OTOF: variants seen among roughly 807,000 people sequenced by gnomAD.
OTOF encodes the protein fer-1-like family member 2.
OTOF carries 218 observed loss-of-function variants against 236.8 expected under a neutral mutation model. That is an observed-to-expected ratio of 0.92 (90% CI 0.82 to 1.03). The LOEUF (loss-of-function observed/expected upper bound fraction) is 1.03, where lower values mean the gene tolerates loss of function less well. Among genes scored for constraint, OTOF ranks in the 50% least tolerant of loss-of-function variants. The pLI, the probability that OTOF is intolerant of heterozygous loss-of-function variation, is 0.00. For synonymous variants in OTOF, 1,041 were observed against 1,072.5 expected, an observed-to-expected ratio of 0.97 and a Z score of 0.57; for missense variants, 2,590 against 2,694.4, an observed-to-expected ratio of 0.96 and a Z score of 0.86.
At position 26,461,142 on chromosome 2, in the gene OTOF, C is replaced by T; in HGVS notation, c.5534-112G>A. On this transcript the variant is annotated intron_variant, in intron 43 of 46. Transcript: ENST00000272371. This position sits in a 1 kb window ranked among gnomAD's most constrained non-coding sequence, Gnocchi z 6.2. The stretch of plus-strand genomic sequence containing the variant: ...TTTGCTGAGTGCAGACCTCCCTGAG[C>T]CCACATCTCATCCTCCTGCCTCACT... 1 of 916,818 alleles carries T rather than the reference C, an allele frequency of 1.1e-6. No individual in the cohort carries two copies. Among genetic ancestry groups the T allele is most frequent in the Admixed American group, 2.0e-5 (1 of 49,712 alleles). 56.8% of individuals were successfully genotyped at this position (916,818 alleles called of 1,614,324 possible).
intron 2 of OTOF, among the ~76,000 whole-genome samples, chr2:26,531,945 T>C (rs1011457562): frequency 6.6e-6 from 1 of 151,782 alleles, no homozygotes; most frequent in Non-Finnish European, 1.5e-5. Flanking sequence ...ATACAAAAAT[T>C]AGCCAGGTGT....
chr2:26,537,353 G>A (rs1211866005), intron 2 of OTOF, among the ~76,000 whole-genome samples: 2 of 152,146 alleles, frequency 1.3e-5, no homozygotes, highest in African/African-American at 4.8e-5. Context: ...CCCAACACTC[G>A]CCTGCCTCGT....
At chr2:26,552,387 AT>A (rs1667483724) in intron 1 of OTOF, among the ~76,000 whole-genome samples, 1 of 152,134 alleles carries the variant, frequency 6.6e-6, no homozygotes, top group Non-Finnish European at 1.5e-5. Context: ...AAAGAAAAAA[AT>A]GAGACCCAGG....
chr2:26,523,242 A>G (rs1473925761), intron 3 of OTOF, among the ~76,000 whole-genome samples: 2 of 152,176 alleles, frequency 1.3e-5, no homozygotes, highest in Non-Finnish European at 1.5e-5. Flanking sequence ...TGAACCGAAC[A>G]TTTCTTTCTC....
intron 36 of OTOF, chr2:26,466,342 T>C (rs1169894180): frequency 1.1e-5 from 6 of 539,560 alleles, no homozygotes; most frequent in East Asian, 3.3e-5. Flanking sequence ...TCTTCTTCTT[T>C]TTTTTTTCCT....
intron 5 of OTOF, among the ~76,000 whole-genome samples, chr2:26,514,169 A>G (rs1666460670): frequency 6.6e-6 from 1 of 152,230 alleles, no homozygotes; most frequent in Admixed American, 6.5e-5. Context: ...GCCTGTCCCC[A>G]ATGTGCTCTC....
At chr2:26,536,417 G>A (rs1308291396) in intron 2 of OTOF, among the ~76,000 whole-genome samples, 1 of 152,126 alleles carries the variant, frequency 6.6e-6, no homozygotes, top group Non-Finnish European at 1.5e-5. Flanking sequence ...CATAGCAGTG[G>A]GGACGTACCA....
At chr2:26,496,234 T>C (rs1366531865) in intron 8 of OTOF, among the ~76,000 whole-genome samples, 7 of 132,062 alleles carry the variant, frequency 5.3e-5, no homozygotes, top group Non-Finnish European at 1.1e-4. Flanking sequence ...AAATGATTAA[T>C]GGCTTTTTTT....
Position 26,474,052 on chromosome 2 carries a change from C to T in OTOF, c.3347G>A (p.Arg1116Gln), listed in dbSNP as rs1368394139. 8 of 1,612,774 alleles carry T rather than the reference C, an allele frequency of 5.0e-6. No individual in the cohort carries two copies. In the African/African-American group the frequency reaches 5.3e-5, roughly 11 times the overall value. The change falls in exon 27 of 47, where the codon CGA (arginine) becomes CAA (glutamine). Residue 1116 changes from arginine to glutamine, a missense_variant. By Grantham distance (43) the Arg-to-Gln change is conservative. Coordinates refer to ENST00000272371, the MANE Select transcript of OTOF (RefSeq NM_194248.3). ...CATGGGCACGGGCATGATGGGACCT[C>T]GGTCCACGTCCACCGGGCCATTGAT... is the stretch of plus-strand genomic sequence containing the variant. Reference protein sequence around the residue: ...PPINGPVDVDRGPIMPVPMGI... With the variant: ...PPINGPVDVDQGPIMPVPMGI...
At chr2:26,553,208 C>G (rs1428261322) in intron 1 of OTOF, among the ~76,000 whole-genome samples, 1 of 152,160 alleles carries the variant, frequency 6.6e-6, no homozygotes, top group Non-Finnish European at 1.5e-5. Flanking sequence ...CCTAGCTGGT[C>G]TCCCTCTTCT....
At position 26,461,199 on chromosome 2, in the gene OTOF, G is replaced by A. The variant is rs749020394; in HGVS notation, c.5534-169C>T. Reference sequence around the variant, plus strand: ...AACTGGCCTCAATGCAGGCATCCTCGTGGGCTTGCTAGGCAGCCCCAGCCC... The same window carrying A: ...AACTGGCCTCAATGCAGGCATCCTCATGGGCTTGCTAGGCAGCCCCAGCCC... On this transcript the variant is annotated intron_variant, in intron 43 of 46. Coordinates refer to ENST00000272371, the MANE Select transcript of OTOF (RefSeq NM_194248.3). The surrounding 1 kb of genome is among the most constrained non-coding windows in gnomAD (Gnocchi z 6.2). 4.6e-5 allele frequency among the ~76,000 whole-genome samples: 7 copies of A among 152,036 alleles called. No homozygotes were observed. The highest frequency in any genetic ancestry group is 8.8e-5 in the Non-Finnish European group (6 of 68,002).
In OTOF at chr2:26,483,581, G is replaced by A. The variant is rs397515582; in HGVS notation, c.1273C>T (p.Arg425Ter). The change falls in exon 13 of 47, where the codon CGA becomes TGA. Residue 425 changes from arginine to a stop codon, truncating the protein, a stop_gained. Coordinates refer to ENST00000272371, the MANE Select transcript of OTOF (RefSeq NM_194248.3). LOFTEE classifies it high-confidence loss of function. ...TTCATACGGGGCAGCCCCTCTGCTC[G>A]GTAAATTTTCACATAGAACCGGGCC... ...QWARFYVKIYRAEGLPRMNTS... is the reference protein window; with the variant it reads ...QWARFYVKIY 7 of 1,613,702 alleles carry A rather than the reference G, an allele frequency of 4.3e-6. No homozygotes were observed. The East Asian group carries it at 6.7e-5, about 15-fold the overall frequency.
chr2:26,512,258 G>A (rs1473286482), intron 5 of OTOF, among the ~76,000 whole-genome samples: 1 of 152,188 alleles, frequency 6.6e-6, no homozygotes, highest in African/African-American at 2.4e-5. Context: ...AAAGGCTCAG[G>A]TCTCTACAGT....
intron 4 of OTOF, 37 bp downstream of exon 4, chr2:26,518,973 T>G: frequency 1.4e-6 from 2 of 1,436,132 alleles, no homozygotes; most frequent in Non-Finnish European, 1.9e-6. Flanking sequence ...GATGGCCCCA[T>G]ATGGGAAAGT....
chr2:26,465,136 C>G, intron 38 of OTOF, 107 bp from the exon 39 acceptor site: 1 of 975,064 alleles, frequency 1.0e-6, no homozygotes, highest in Non-Finnish European at 1.5e-6. Flanking sequence ...CCCTCATCAG[C>G]AAGTGAGCCT....
At chr2:26,557,631 C>A (rs1239780206) in intron 1 of OTOF, among the ~76,000 whole-genome samples, 1 of 152,108 alleles carries the variant, frequency 6.6e-6, no homozygotes, top group Non-Finnish European at 1.5e-5. Flanking sequence ...ACTGTTTCCT[C>A]TGCCTCCTCA....
In OTOF at chr2:26,479,635, A is replaced by G. The variant is rs367543660; in HGVS notation, c.1931T>C (p.Val644Ala). 12 of 1,612,468 alleles carry G rather than the reference A, an allele frequency of 7.4e-6. No individual in the cohort carries two copies. The highest frequency in any genetic ancestry group is 4.5e-5 in the East Asian group (2 of 44,876). ...CCGCTGGGGCCGGGACAGGCCATCAACTTCGTTCCCATAGTTGCCTGGAGC... is the reference window on the plus strand; with the variant it reads ...CCGCTGGGGCCGGGACAGGCCATCAGCTTCGTTCCCATAGTTGCCTGGAGC... ...EVTIGNYGNE[V>A]DGLSRPQRPR... is the part of the protein sequence containing the mutation. The change falls in exon 17 of 47, where the codon GTT (valine) becomes GCT (alanine). Residue 644 changes from valine to alanine, a missense_variant. Transcript: ENST00000272371.
chr2:26,507,230 G>A (rs1420457750), intron 5 of OTOF, among the ~76,000 whole-genome samples: 2 of 152,220 alleles, frequency 1.3e-5, no homozygotes, highest in Non-Finnish European at 2.9e-5. Context: ...TACAGGCTCT[G>A]TACCTCTGAT....
At chr2:26,552,078 A>C (rs1441531168) in intron 1 of OTOF, among the ~76,000 whole-genome samples, 11 of 105,046 alleles carry the variant, frequency 1.0e-4, no homozygotes, top group Middle Eastern at 4.0e-3. Context: ...GAGTTTTTTT[A>C]TATATAAAAA....
Sources: gnomAD v4.1 joint callset for allele counts (sites outside exome capture counted in the v4.1 genomes callset) on GRCh38, gnomAD v4.1.1 for gene constraint, Gnocchi (gnomAD v3.1) non-coding constraint, MANE v1.5 for transcripts, NCBI Gene and HGNC (gene_info 2026-07-23, HGNC 2026-07-21) for gene names.